Variants in AGTPBP1 observed in about 807,000 individuals in gnomAD.
The protein encoded by AGTPBP1 is cytosolic carboxypeptidase 1.
In AGTPBP1, 70 loss-of-function variants were observed where a neutral mutation model predicts 143.9. The observed-to-expected ratio is 0.49, with a 90% CI of 0.40 to 0.59. The LOEUF (loss-of-function observed/expected upper bound fraction) is 0.59. AGTPBP1 is among the 20% of genes least tolerant of loss of function. The pLI is 0.00. For missense variants in AGTPBP1, 1,229 were observed against 1,464.5 expected (o/e 0.84, Z 2.62); for synonymous variants, 463 against 500.2 (o/e 0.93, Z 0.99).
At position 85,585,588 on chromosome 9, in the gene AGTPBP1, A is replaced by T; in HGVS notation, c.3040T>A (p.Cys1014Ser). Residue 1014 changes from cysteine to serine, a missense_variant, in exon 23 of 26, where the codon TGT becomes AGT. Transcript: ENST00000357081. Reference sequence around the variant, plus strand: ...TTTCGGGAATGGCCATGATAATCACAATAAACCTTGAAAATATATATTTTA... The same window carrying T: ...TTTCGGGAATGGCCATGATAATCACTATAAACCTTGAAAATATATATTTTA... ...AAVKRLPLVY[C>S]DYHGHSRKKN... The T allele has an allele frequency of 6.3e-7, 1 of 1,592,892 alleles. No individual in the cohort carries two copies. Among genetic ancestry groups the T allele is most frequent in the South Asian group, 1.2e-5 (1 of 85,892 alleles).
chr9:85,756,018 T>C, the AGTPBP1 span: 8 of 1,253,348 alleles, frequency 6.4e-6, no homozygotes, highest in Non-Finnish European at 8.6e-6. Context: ...ATTATTACCA[T>C]ATAATTTTTA....
At chr9:85,763,026 T>C in the AGTPBP1 span, among the ~76,000 whole-genome samples, 2 of 151,808 alleles carry the variant, frequency 1.3e-5, no homozygotes, top group Admixed American at 6.6e-5. Flanking sequence ...CAGAATGGCA[T>C]TGGACTTCTC....
At chr9:85,730,235 A>G (rs1363041485) in intron 1 of AGTPBP1, among the ~76,000 whole-genome samples, 1 of 152,176 alleles carries the variant, frequency 6.6e-6, no homozygotes, top group Admixed American at 6.5e-5. Context: ...ATTCCTCCTA[A>G]GTAAGCCACT....
intron 9 of AGTPBP1, among the ~76,000 whole-genome samples, chr9:85,659,997 T>C (rs998049449): frequency 2.6e-5 from 4 of 152,090 alleles, no homozygotes; most frequent in Admixed American, 2.6e-4. Flanking sequence ...AATTCTATTA[T>C]TTACTACTAA....
At chr9:85,698,235 G>A (rs1303200309) in intron 2 of AGTPBP1, among the ~76,000 whole-genome samples, 1 of 151,926 alleles carries the variant, frequency 6.6e-6, no homozygotes, top group African/African-American at 2.4e-5. Flanking sequence ...AATTAATTAC[G>A]CCAATTAAAA....
chr9:85,775,810 T>G, the AGTPBP1 span, among the ~76,000 whole-genome samples: 5 of 152,106 alleles, frequency 3.3e-5, no homozygotes, highest in Non-Finnish European at 5.9e-5. Flanking sequence ...TTTTTCTGCC[T>G]GCTTTATATT....
chr9:85,684,146 A>C (rs1457585839), intron 3 of AGTPBP1, among the ~76,000 whole-genome samples: 1 of 152,172 alleles, frequency 6.6e-6, no homozygotes, highest in Non-Finnish European at 1.5e-5. Flanking sequence ...GCCATAGCCC[A>C]TAGCTATTTC....
chr9:85,798,514 G>A, the AGTPBP1 span, among the ~76,000 whole-genome samples: 1 of 151,678 alleles, frequency 6.6e-6, no homozygotes, highest in South Asian at 2.1e-4. Context: ...TTACAGGTGT[G>A]TGCCACCACG....
chr9:85,785,329 G>A, the AGTPBP1 span, among the ~76,000 whole-genome samples: 3 of 150,730 alleles, frequency 2.0e-5, no homozygotes, highest in Admixed American at 6.6e-5. Flanking sequence ...GCGAGACTCC[G>A]TCTCAAAAAA....
the AGTPBP1 span, among the ~76,000 whole-genome samples, chr9:85,779,743 C>T: frequency 2.6e-5 from 4 of 152,172 alleles, no homozygotes; most frequent in South Asian, 8.3e-4. Flanking sequence ...GCCTGTGGTC[C>T]CAGCTACCCT....
intron 18 of AGTPBP1, among the ~76,000 whole-genome samples, chr9:85,595,620 G>A (rs976466883): frequency 1.3e-5 from 2 of 152,072 alleles, no homozygotes; most frequent in African/African-American, 2.4e-5. Context: ...TCCGCCTCCC[G>A]GGTTCAAGCG....
chr9:85,774,046 C>T, the AGTPBP1 span: 8 of 1,544,880 alleles, frequency 5.2e-6, no homozygotes, highest in South Asian at 8.9e-5. Context: ...GGTAACTTCC[C>T]CTTTTGACAG....
chr9:85,591,418 T>C (rs1036025614), intron 19 of AGTPBP1, among the ~76,000 whole-genome samples: 3 of 151,976 alleles, frequency 2.0e-5, no homozygotes, highest in African/African-American at 4.8e-5. Flanking sequence ...TACAAAGAGG[T>C]TGGCAGAAGC....
chr9:85,596,904 A>G (rs1468648075), intron 17 of AGTPBP1, among the ~76,000 whole-genome samples: 2 of 152,110 alleles, frequency 1.3e-5, no homozygotes, highest in Non-Finnish European at 2.9e-5. Flanking sequence ...TGTTTGTAGG[A>G]GAGAAAACGA....
At chr9:85,793,355 A>G in the AGTPBP1 span, 1 of 152,194 alleles carries the variant, frequency 6.6e-6, no homozygotes, top group African/African-American at 2.4e-5. Flanking sequence ...AAAAGAAATC[A>G]GTCCTCATTT....
chr9:85,693,344 T>C (rs190817509), intron 2 of AGTPBP1, among the ~76,000 whole-genome samples: 1 of 152,340 alleles, frequency 6.6e-6, no homozygotes, highest in Non-Finnish European at 1.5e-5. Flanking sequence ...CTCACACCTG[T>C]AAACCCAGCA....
chr9:85,629,997 G>C (rs987870351), intron 14 of AGTPBP1, among the ~76,000 whole-genome samples: 2 of 152,160 alleles, frequency 1.3e-5, no homozygotes, highest in Non-Finnish European at 1.5e-5. Context: ...GCTAGTAAGA[G>C]AAAATACTTT....
At chr9:85,557,247 T>G (rs1282701941) in intron 25 of AGTPBP1, among the ~76,000 whole-genome samples, 1 of 152,326 alleles carries the variant, frequency 6.6e-6, no homozygotes, top group Non-Finnish European at 1.5e-5. Flanking sequence ...CATTTACTTA[T>G]GACAAGGCTC....
chr9:85,667,785 A>G (rs899336208), intron 8 of AGTPBP1, among the ~76,000 whole-genome samples: 22 of 152,132 alleles, frequency 1.4e-4, no homozygotes, highest in African/African-American at 5.3e-4. Flanking sequence ...AAGACCTTCA[A>G]CAAATAAAAC....
Sources: allele counts gnomAD v4.1 joint callset (sites outside exome capture counted in the v4.1 genomes callset), GRCh38; gene constraint gnomAD v4.1.1; transcripts MANE v1.5; gene names NCBI Gene and HGNC (gene_info 2026-07-23, HGNC 2026-07-21).